ZFPM2: variants seen among roughly 807,000 people sequenced by gnomAD.
The protein encoded by ZFPM2 is zinc finger protein ZFPM2.
A neutral mutation model predicts 98.6 loss-of-function variants in ZFPM2; 20 were observed. The observed-to-expected ratio is 0.20, with a 90% CI of 0.14 to 0.29. The LOEUF (loss-of-function observed/expected upper bound fraction) is 0.29, where lower values mean the gene tolerates loss of function less well. ZFPM2 is among the 10% of genes least tolerant of loss of function. ZFPM2 has a pLI of 1.00. For synonymous variants in ZFPM2, 518 were observed against 502.7 expected (o/e 1.03, Z -0.41); for missense variants, 1,310 against 1,388.6 (o/e 0.94, Z 0.90).
At chr8:105,721,417 C>T (rs1811660251) in intron 5 of ZFPM2, among the ~76,000 whole-genome samples, 1 of 151,908 alleles carries the variant, frequency 6.6e-6, no homozygotes, top group Non-Finnish European at 1.5e-5. Context: ...ATTCATGTAG[C>T]CTTCCATATT....
At chr8:105,640,379 G>A (rs574766167) in intron 5 of ZFPM2, among the ~76,000 whole-genome samples, 11 of 152,078 alleles carry the variant, frequency 7.2e-5, no homozygotes, top group Admixed American at 5.9e-4. Context: ...AATAGTTTAT[G>A]CTAATTTCTT....
At chr8:105,489,294 A>G (rs1445242239) in intron 3 of ZFPM2, among the ~76,000 whole-genome samples, 1 of 151,170 alleles carries the variant, frequency 6.6e-6, no homozygotes, top group African/African-American at 2.4e-5. Context: ...TAATAAGATG[A>G]TATCACTTTA....
chr8:105,797,995 C>T (rs1272610138), intron 6 of ZFPM2: 1 of 152,128 alleles, frequency 6.6e-6, no homozygotes, highest in African/African-American at 2.4e-5. Context: ...CAGAGTTGGG[C>T]ACATAGTAGC....
At chr8:105,730,261 C>T (rs1811899693) in intron 5 of ZFPM2, among the ~76,000 whole-genome samples, 1 of 151,714 alleles carries the variant, frequency 6.6e-6, no homozygotes, top group South Asian at 2.1e-4. Flanking sequence ...ATTTCTCATG[C>T]ATGCATGAAA....
intron 3 of ZFPM2, among the ~76,000 whole-genome samples, chr8:105,470,583 G>T (rs369738919): frequency 5.9e-5 from 9 of 152,264 alleles, no homozygotes; most frequent in African/African-American, 2.2e-4. Flanking sequence ...TTTGAGATCA[G>T]CCTGGACAAA....
intron 5 of ZFPM2, among the ~76,000 whole-genome samples, chr8:105,722,305 G>C (rs1488934694): frequency 6.6e-6 from 1 of 151,782 alleles, no homozygotes; most frequent in Non-Finnish European, 1.5e-5. Context: ...GTTGGACCAT[G>C]GGAGATTCTT....
At chr8:105,343,556 C>T (rs1029651607) in intron 1 of ZFPM2, among the ~76,000 whole-genome samples, 1 of 152,088 alleles carries the variant, frequency 6.6e-6, no homozygotes, top group African/African-American at 2.4e-5. Context: ...CCAGAGGGTG[C>T]TCTGGGTCTA....
At chr8:105,402,750 T>A (rs1264087144) in intron 1 of ZFPM2, among the ~76,000 whole-genome samples, 1 of 152,084 alleles carries the variant, frequency 6.6e-6, no homozygotes. Flanking sequence ...TTAGCTAGTT[T>A]GTGGTCCCTA....
chr8:105,619,153 T>C (rs894656754), intron 4 of ZFPM2, among the ~76,000 whole-genome samples: 1 of 152,140 alleles, frequency 6.6e-6, no homozygotes, highest in Non-Finnish European at 1.5e-5. Flanking sequence ...TTATTAACTA[T>C]AAAATTAAAG....
intron 1 of ZFPM2, among the ~76,000 whole-genome samples, chr8:105,378,316 A>G (rs1810771937): frequency 6.6e-6 from 1 of 152,166 alleles, no homozygotes; most frequent in Admixed American, 6.5e-5. Context: ...GTAATCCTAT[A>G]TTTTAATCCA....
chr8:105,666,561 A>G (rs575457533), intron 5 of ZFPM2, among the ~76,000 whole-genome samples: 1 of 152,356 alleles, frequency 6.6e-6, no homozygotes, highest in African/African-American at 2.4e-5. Context: ...ATGGTCCTTC[A>G]GATAGACCTG....
chr8:105,416,558 T>C (rs1479434277), intron 1 of ZFPM2, among the ~76,000 whole-genome samples: 1 of 151,844 alleles, frequency 6.6e-6, no homozygotes, highest in Non-Finnish European at 1.5e-5. Context: ...TATGAAAATA[T>C]CTGTTGGAGC....
intron 5 of ZFPM2, among the ~76,000 whole-genome samples, chr8:105,642,849 G>A (rs573386387): frequency 6.6e-6 from 1 of 152,332 alleles, no homozygotes; most frequent in East Asian, 1.9e-4. Flanking sequence ...TTGAGTATCA[G>A]TTTGAGTAAT....
chr8:105,424,070 G>A (rs1811857902), intron 2 of ZFPM2, among the ~76,000 whole-genome samples: 1 of 152,118 alleles, frequency 6.6e-6, no homozygotes, highest in Non-Finnish European at 1.5e-5. Flanking sequence ...AGTGATGGGT[G>A]CACCAAAATC....
intron 5 of ZFPM2, among the ~76,000 whole-genome samples, chr8:105,639,623 G>A (rs933151542): frequency 6.6e-6 from 1 of 152,048 alleles, no homozygotes; most frequent in African/African-American, 2.4e-5. Flanking sequence ...TGGCTACCAT[G>A]CAGGATTTTT....
At chr8:105,699,901 G>A (rs1446906342) in intron 5 of ZFPM2, among the ~76,000 whole-genome samples, 1 of 152,036 alleles carries the variant, frequency 6.6e-6, no homozygotes, top group Non-Finnish European at 1.5e-5. Context: ...TTTTTAAAGA[G>A]CAATATTTTA....
At chr8:105,343,290 G>A (rs1812462457) in intron 1 of ZFPM2, among the ~76,000 whole-genome samples, 1 of 152,200 alleles carries the variant, frequency 6.6e-6, no homozygotes, top group Non-Finnish European at 1.5e-5. Flanking sequence ...TTCAACAATT[G>A]ACAGGAGTCC....
At chr8:105,679,820 A>C (rs1299786068) in intron 5 of ZFPM2, among the ~76,000 whole-genome samples, 1 of 151,682 alleles carries the variant, frequency 6.6e-6, no homozygotes, top group African/African-American at 2.4e-5. Context: ...AAAAGAAAGC[A>C]ATATGTATAA....
chr8:105,802,312 A>C lies in ZFPM2; in HGVS notation c.2230A>C (p.Met744Leu). The change falls in exon 8 of 8, where the codon ATG becomes CTG. Residue 744 changes from methionine to leucine, a missense_variant. Coordinates refer to ENST00000407775, the MANE Select transcript of ZFPM2 (RefSeq NM_012082.4). ...RTRKRRKMYEMCLPEQEQRPP... is the reference protein window; with the variant it reads ...RTRKRRKMYELCLPEQEQRPP... ...ACGCAAGCGCAGAAAGATGTATGAG[A>C]TGTGCCTACCTGAGCAGGAACAAAG... The C allele has an allele frequency of 6.2e-7, 1 of 1,613,794 alleles. No homozygotes were observed. The highest frequency in any genetic ancestry group is 1.7e-5 in the Admixed American group (1 of 59,976).
Sources: allele counts gnomAD v4.1 joint callset (sites outside exome capture counted in the v4.1 genomes callset), GRCh38; gene constraint gnomAD v4.1.1; transcripts MANE v1.5; gene names NCBI Gene and HGNC (gene_info 2026-07-23, HGNC 2026-07-21).